Variants in DNAJC17 observed in about 807,000 individuals in gnomAD.
DNAJC17 encodes the protein dnaJ homolog subfamily C member 17.
Under a neutral mutation model 48.1 loss-of-function variants are expected in DNAJC17, and 35 were observed. The ratio of observed to expected loss-of-function variants is 0.73; its 90% confidence interval spans 0.56 to 0.96. The LOEUF is 0.96. DNAJC17 is among the 50% of genes least tolerant of loss of function. The pLI is 0.00. For missense variants in DNAJC17, 355 were observed against 377.1 expected, an observed-to-expected ratio of 0.94 and a Z score of 0.48; for synonymous variants, 117 against 142.7, an observed-to-expected ratio of 0.82 and a Z score of 1.28.
At chr15:40,775,392 G>C in intron 7 of DNAJC17, 161 bp downstream of exon 7, 1 of 866,796 alleles carries the variant, frequency 1.2e-6, no homozygotes, top group Non-Finnish European at 1.9e-6. Flanking sequence ...GGCAAGCTCT[G>C]ATCTCCGGGC....
At chr15:40,776,771 C>G (rs1411536040) in intron 4 of DNAJC17, 144 bp from the exon 5 acceptor site, 1 of 716,632 alleles carries the variant, frequency 1.4e-6, no homozygotes, top group Non-Finnish European at 2.4e-6. Flanking sequence ...CATGCCCACG[C>G]CCCCGAGTCA....
At position 40,767,042 on chromosome 15, in the gene DNAJC17, G is replaced by A; in HGVS notation, c.*898C>T. The A allele has an allele frequency of 2.1e-6, 1 of 480,116 alleles. No homozygotes were observed. The highest frequency in any genetic ancestry group is 3.6e-6 in the Non-Finnish European group (1 of 278,818). 29.7% of individuals were successfully genotyped at this position (480,116 alleles called of 1,614,324 possible). Reference sequence around the variant, plus strand: ...CTAGCTTGTTGGGAAGAATAAATGAGATAGCTCGTGAAGTACCTAGAAGGG... The same window carrying A: ...CTAGCTTGTTGGGAAGAATAAATGAAATAGCTCGTGAAGTACCTAGAAGGG... On this transcript the variant is annotated 3_prime_UTR_variant, in exon 11 of 11. Transcript: ENST00000220496.
intron 1 of DNAJC17, among the ~76,000 whole-genome samples, chr15:40,790,787 T>A (rs1889778368): frequency 6.6e-6 from 1 of 152,192 alleles, no homozygotes. Context: ...TGAGGTATTA[T>A]CTTGAATGTT....
rs1438563521 is a variant in DNAJC17, at chr15:40,767,285, G to A, written c.*655C>T. On this transcript the variant is annotated 3_prime_UTR_variant, in exon 11 of 11. Coordinates refer to ENST00000220496, the MANE Select transcript of DNAJC17 (RefSeq NM_018163.3). ...GTCCTGGACAAGCTGGAACGCAGGG[G>A]CTTCCGTGTGCTGAGCATGACGGGG... is the stretch of plus-strand genomic sequence containing the variant. The A allele has an allele frequency of 1.2e-6, 2 of 1,604,012 alleles. No homozygotes were observed. The highest frequency in any genetic ancestry group is 1.7e-5 in the Admixed American group (1 of 58,938).
chr15:40,787,773 C>A (rs2141956460), intron 1 of DNAJC17, among the ~76,000 whole-genome samples: 1 of 152,276 alleles, frequency 6.6e-6, no homozygotes, highest in East Asian at 1.9e-4. Context: ...CATCCACCTG[C>A]CTCCAGTTTC....
In DNAJC17 at chr15:40,767,657, G is replaced by T; in HGVS notation, c.*283C>A. ...GGAGCTGGGCACTCCAGCGGCCCTG[G>T]CGCGTGGCTCCTGCATAGCTAGCCC... On this transcript the variant is annotated 3_prime_UTR_variant, in exon 11 of 11. Transcript: ENST00000220496. 1.7e-6 allele frequency: 1 copy of T among 586,588 alleles called. No homozygotes were observed. Among genetic ancestry groups the T allele is most frequent in the East Asian group, 3.2e-5 (1 of 31,468 alleles). The allele number at this position is 586,588 out of a possible 1,614,324, so 36.3% of individuals were successfully genotyped here. A position where few individuals can be genotyped will look rare whatever the true frequency, so the allele number is the denominator to read the frequency against.
chr15:40,804,098 C>T lies in DNAJC17; in HGVS notation c.78+3271G>A, dbSNP rs188111481. ...CCTCCCACCTCAGCCTCCCATGTAG[C>T]GGGGACTACAGGTGCGTAACACCCT... On this transcript the variant is annotated intron_variant, in intron 1 of 10. Transcript: ENST00000220496. 2.0e-3 allele frequency among the ~76,000 whole-genome samples: 304 copies of T among 151,884 alleles called. 1 individual carries two copies. Among genetic ancestry groups the T allele is most frequent in the African/African-American group, 6.8e-3 (282 of 41,408 alleles).
chr15:40,773,530 T>G (rs971536936), intron 10 of DNAJC17, among the ~76,000 whole-genome samples, 197 bp downstream of exon 10: 13 of 151,768 alleles, frequency 8.6e-5, no homozygotes, highest in Non-Finnish European at 1.9e-4. Flanking sequence ...GAATACAGTG[T>G]GGGTGGGGCC....
At chr15:40,776,845 AAG>A in intron 4 of DNAJC17, 1 of 541,608 alleles carries the variant, frequency 1.8e-6, no homozygotes, top group Admixed American at 3.1e-5. Flanking sequence ...AGGGGTCTGG[AAG>A]AGTTAAAAAC....
chr15:40,777,730 A>G (rs1348048324), intron 4 of DNAJC17, among the ~76,000 whole-genome samples: 2 of 152,130 alleles, frequency 1.3e-5, no homozygotes, highest in Non-Finnish European at 2.9e-5. Flanking sequence ...GAAAAAAAAA[A>G]AAAGAGTGCT....
At chr15:40,768,712 T>A (rs929797666) in intron 10 of DNAJC17, among the ~76,000 whole-genome samples, 1 of 152,222 alleles carries the variant, frequency 6.6e-6, no homozygotes, top group Non-Finnish European at 1.5e-5. Context: ...GGGCCAAGGC[T>A]GTAGGGTGGA....
chr15:40,797,439 G>A (rs867876144), intron 1 of DNAJC17, among the ~76,000 whole-genome samples: 36 of 151,544 alleles, frequency 2.4e-4, no homozygotes, highest in African/African-American at 8.5e-4. Flanking sequence ...TTGAGATGGA[G>A]TTTCGCTCTT....
At chr15:40,802,168 A>ATTTTT (rs759016627) in intron 1 of DNAJC17, among the ~76,000 whole-genome samples, 18 of 134,006 alleles carry the variant, frequency 1.3e-4, no homozygotes, top group African/African-American at 4.9e-4. Context: ...AAAGAGTTCA[A>ATTTTT]TTTTTTTTTT....
intron 6 of DNAJC17, among the ~76,000 whole-genome samples, chr15:40,775,962 G>C (rs1209980040): frequency 6.6e-6 from 1 of 152,172 alleles, no homozygotes; most frequent in African/African-American, 2.4e-5. Context: ...CTCTGCTTGG[G>C]ACAAAGCCAA....
intron 1 of DNAJC17, among the ~76,000 whole-genome samples, chr15:40,789,903 CAAAAAAAAAAAAAA>C (rs71428311): frequency 5.0e-5 from 1 of 20,012 alleles, no homozygotes; most frequent in Non-Finnish European, 9.1e-5. Context: ...CAGACTGTCT[CAAAAAAAAAAAAAA>C]AAAAAAAAAA....
rs774239176 is a variant in DNAJC17, at chr15:40,807,453, G to A, written c.-7C>T. 10 of 1,614,098 alleles carry A rather than the reference G, an allele frequency of 6.2e-6. No homozygotes were observed. In the East Asian group the frequency reaches 1.6e-4, roughly 25 times the overall value. ...GCTCCTTGGTCACTGCCATGGTTCC[G>A]GCCTGACGGATTCGTACTACAACTC... On this transcript the variant is annotated 5_prime_UTR_variant, in exon 1 of 11. Transcript: ENST00000220496.
At chr15:40,793,836 C>T (rs929927031) in intron 1 of DNAJC17, among the ~76,000 whole-genome samples, 1 of 151,830 alleles carries the variant, frequency 6.6e-6, no homozygotes, top group Non-Finnish European at 1.5e-5. Context: ...GTTTTGCAGA[C>T]GAGGAAACCA....
intron 1 of DNAJC17, chr15:40,780,218 G>A (rs944952903): frequency 1.8e-5 from 12 of 658,056 alleles, no homozygotes; most frequent in African/African-American, 1.1e-4. Flanking sequence ...CTCCTGCTAA[G>A]TGCTCAACCT....
At chr15:40,771,621 A>C (rs976114553) in intron 10 of DNAJC17, 5 of 170,422 alleles carry the variant, frequency 2.9e-5, no homozygotes, top group African/African-American at 1.2e-4. Flanking sequence ...TGAAATAAAT[A>C]AAATTAACAG....
Sources: allele counts gnomAD v4.1 joint callset (sites outside exome capture counted in the v4.1 genomes callset), GRCh38; gene constraint gnomAD v4.1.1; transcripts MANE v1.5; gene names NCBI Gene and HGNC (gene_info 2026-07-23, HGNC 2026-07-21).